Variants in FRMD4B observed in about 807,000 individuals in gnomAD.
The protein encoded by FRMD4B is FERM domain containing 4B.
A neutral mutation model predicts 141.5 loss-of-function variants in FRMD4B; 74 were observed. That is an observed-to-expected ratio of 0.52 (90% confidence interval 0.43 to 0.63). The LOEUF (loss-of-function observed/expected upper bound fraction) is 0.63, where lower values mean the gene tolerates loss of function less well. Among genes scored for constraint, FRMD4B ranks in the 30% least tolerant of loss-of-function variants. FRMD4B has a pLI of 0.00. For missense variants in FRMD4B, 1,366 were observed against 1,253.4 expected (o/e 1.09, Z -1.36); for synonymous variants, 506 against 467.9 (o/e 1.08, Z -1.05).
chr3:69,444,156 C>G (rs1342758359), intron 1 of FRMD4B, among the ~76,000 whole-genome samples: 3 of 152,110 alleles, frequency 2.0e-5, no homozygotes, highest in Non-Finnish European at 2.9e-5. Flanking sequence ...ACCAAACTAT[C>G]CTTGAAAAAC....
At chr3:69,501,228 C>CTTTT (rs534864440) in intron 1 of FRMD4B, among the ~76,000 whole-genome samples, 11 of 117,252 alleles carry the variant, frequency 9.4e-5, no homozygotes, top group Non-Finnish European at 1.2e-4. Flanking sequence ...CATGGACCTT[C>CTTTT]TTTTTTTTTT....
chr3:69,359,409 T>G (rs1703411878), intron 1 of FRMD4B, among the ~76,000 whole-genome samples: 1 of 152,136 alleles, frequency 6.6e-6, no homozygotes, highest in African/African-American at 2.4e-5. Context: ...GAACTTCTGT[T>G]TAAAAAGGAA....
intron 19 of FRMD4B, among the ~76,000 whole-genome samples, chr3:69,184,868 T>G (rs914954933): frequency 6.6e-6 from 1 of 152,148 alleles, no homozygotes; most frequent in Admixed American, 6.5e-5. Context: ...AATTTTAAAT[T>G]TTATTTACTT....
At chr3:69,346,466 A>G (rs1431646192) in intron 1 of FRMD4B, among the ~76,000 whole-genome samples, 1 of 152,176 alleles carries the variant, frequency 6.6e-6, no homozygotes, top group Admixed American at 6.5e-5. Context: ...CTTCAAATTC[A>G]GGAAATACAG....
At chr3:69,344,212 T>C (rs922993898) in intron 1 of FRMD4B, among the ~76,000 whole-genome samples, 1 of 152,218 alleles carries the variant, frequency 6.6e-6, no homozygotes, top group African/African-American at 2.4e-5. Flanking sequence ...ATTTCCAACC[T>C]TGCCGTACTT....
At chr3:69,338,383 C>T (rs192788399) in intron 1 of FRMD4B, among the ~76,000 whole-genome samples, 11 of 152,090 alleles carry the variant, frequency 7.2e-5, no homozygotes, top group Admixed American at 6.6e-4. Context: ...GTGCAGCACA[C>T]CAACATGGCA....
chr3:69,466,235 GTTGT>G (rs1337249692), intron 1 of FRMD4B, among the ~76,000 whole-genome samples: 5 of 152,108 alleles, frequency 3.3e-5, no homozygotes, highest in African/African-American at 7.2e-5. Flanking sequence ...TTTTGATGGG[GTTGT>G]TTGTTTTTTT....
chr3:69,344,809 T>C (rs994467501), intron 1 of FRMD4B, among the ~76,000 whole-genome samples: 2 of 152,228 alleles, frequency 1.3e-5, no homozygotes, highest in Non-Finnish European at 2.9e-5. Flanking sequence ...GTCTGCAGAA[T>C]TGTTCAACTG....
intron 5 of FRMD4B, among the ~76,000 whole-genome samples, chr3:69,283,895 G>A (rs1479739224): frequency 6.7e-6 from 1 of 148,552 alleles, no homozygotes; most frequent in Non-Finnish European, 1.5e-5. Flanking sequence ...ACTCTGCTTC[G>A]AATATTTACA....
chr3:69,444,702 G>A (rs940826554), intron 1 of FRMD4B, among the ~76,000 whole-genome samples: 11 of 152,134 alleles, frequency 7.2e-5, no homozygotes, highest in Non-Finnish European at 1.3e-4. Context: ...ACTCAAACAG[G>A]ATTTTCACAA....
chr3:69,347,034 G>A (rs1466634832), intron 1 of FRMD4B, among the ~76,000 whole-genome samples: 2 of 152,318 alleles, frequency 1.3e-5, no homozygotes, highest in African/African-American at 2.4e-5. Flanking sequence ...GATGTAGACT[G>A]GCAAATTGGA....
chr3:69,398,119 G>GA (rs1559515839), intron 2 of FRMD4B, among the ~76,000 whole-genome samples: 3 of 152,206 alleles, frequency 2.0e-5, no homozygotes, highest in Non-Finnish European at 4.4e-5. Context: ...GCATGTAAGG[G>GA]AAAAAACCTA....
At position 69,281,509 on chromosome 3, in the gene FRMD4B, C is replaced by T. The variant is rs539538972; in HGVS notation, c.501+6243G>A. On this transcript the variant is annotated intron_variant, in intron 5 of 22. Transcript: ENST00000398540. Reference sequence around the variant, plus strand: ...AGTCAACCACAATTTACTGAATGCCCAATGTGTGCCACATTTCATACATAA... The same window carrying T: ...AGTCAACCACAATTTACTGAATGCCTAATGTGTGCCACATTTCATACATAA... Among the ~76,000 whole-genome samples, 6 of 152,138 alleles carry T rather than the reference C, an allele frequency of 3.9e-5. No homozygotes were observed. In the South Asian group the frequency reaches 8.3e-4, roughly 21 times the overall value.
rs1461660726 is a variant in FRMD4B, at chr3:69,171,759, T to C, written c.*102A>G. 1 of 1,130,002 alleles carries C rather than the reference T, an allele frequency of 8.8e-7. No homozygotes were observed. Among genetic ancestry groups the C allele is most frequent in the East Asian group, 2.4e-5 (1 of 41,928 alleles). The allele number at this position is 1,130,002 out of a possible 1,614,324, so 70.0% of individuals were successfully genotyped here. Reference sequence around the variant, plus strand: ...TAAGTCTTCTCTTCAACCTTTGATGTCTTTAGGTTTCTAAAACGAACATCC... The same window carrying C: ...TAAGTCTTCTCTTCAACCTTTGATGCCTTTAGGTTTCTAAAACGAACATCC... On this transcript the variant is annotated 3_prime_UTR_variant, in exon 23 of 23. Transcript: ENST00000398540.
In FRMD4B at chr3:69,354,700, C is replaced by T. The variant is rs142626953; in HGVS notation, c.162+31128G>A. ...GGTATCTAAATATAGGGTGGGGTAC[C>T]TCCCTTTACCCCCACAAAATGTTAA... On this transcript the variant is annotated intron_variant, in intron 1 of 22. Coordinates refer to ENST00000398540, the MANE Select transcript of FRMD4B (RefSeq NM_015123.3). Among the ~76,000 whole-genome samples the T allele has an allele frequency of 3.3e-3, 497 of 152,184 alleles. 3 individuals are homozygous for T. The highest frequency in any genetic ancestry group is 0.012 in the African/African-American group (482 of 41,522).
At chr3:69,212,682 T>C (rs1316598213) in intron 11 of FRMD4B, among the ~76,000 whole-genome samples, 1 of 152,232 alleles carries the variant, frequency 6.6e-6, no homozygotes, top group African/African-American at 2.4e-5. Flanking sequence ...GATTCACTAC[T>C]GTTTTGGGAC....
chr3:69,218,851 T>C lies in FRMD4B; in HGVS notation c.732-472A>G, dbSNP rs952091908. ...CTTTAAAACTATGAATTATGGTATGTAAACCTGACTTAAAAAATATGTCCC... is the reference window on the plus strand; with the variant it reads ...CTTTAAAACTATGAATTATGGTATGCAAACCTGACTTAAAAAATATGTCCC... On this transcript the variant is annotated intron_variant, in intron 9 of 22. Transcript: ENST00000398540. 9.9e-5 allele frequency among the ~76,000 whole-genome samples: 15 copies of C among 152,136 alleles called. No homozygotes were observed. In the East Asian group the frequency reaches 2.7e-3, roughly 27 times the overall value.
chr3:69,476,490 G>C (rs1450673988), intron 1 of FRMD4B, among the ~76,000 whole-genome samples: 2 of 152,058 alleles, frequency 1.3e-5, no homozygotes, highest in South Asian at 2.1e-4. Context: ...TTTTTGTCAG[G>C]TTTGTCAAAG....
intron 7 of FRMD4B, among the ~76,000 whole-genome samples, chr3:69,231,384 T>C (rs1258715840): frequency 6.6e-6 from 1 of 152,130 alleles, no homozygotes; most frequent in Non-Finnish European, 1.5e-5. Flanking sequence ...GCCTCCTGGG[T>C]TTAAACGATT....
Sources: allele counts gnomAD v4.1 joint callset (sites outside exome capture counted in the v4.1 genomes callset), GRCh38; gene constraint gnomAD v4.1.1; transcripts MANE v1.5; gene names NCBI Gene and HGNC (gene_info 2026-07-23, HGNC 2026-07-21).